Variants in SPG7 observed in about 807,000 individuals in gnomAD.
SPG7 encodes mitochondrial inner membrane m-AAA protease component paraplegin.
In SPG7, 103 loss-of-function variants were observed where a neutral mutation model predicts 81.9. The ratio of observed to expected loss-of-function variants is 1.26; its 90% confidence interval spans 1.07 to 1.48. SPG7 has a LOEUF of 1.48. Ranked by LOEUF, SPG7 falls within the 40% of genes most tolerant of loss-of-function variation. The pLI, the probability that SPG7 is intolerant of heterozygous loss-of-function variation, is 0.00. For missense variants in SPG7, 1,241 were observed against 1,087.3 expected (o/e 1.14, Z -1.99); for synonymous variants, 534 against 444.2 (o/e 1.20, Z -2.54).
At chr16:89,539,131 C>T (rs2152406964) in intron 9 of SPG7, 1 of 152,374 alleles carries the variant, frequency 6.6e-6, no homozygotes. Flanking sequence ...GGTTTACGCA[C>T]TCTATGTGTC....
At chr16:89,509,966 TTTTGTTTGTTTA>T (rs963153328) in intron 1 of SPG7, among the ~76,000 whole-genome samples, 19 of 150,918 alleles carry the variant, frequency 1.3e-4, no homozygotes, top group South Asian at 4.2e-4. Flanking sequence ...TATCGTGATT[TTTTGTTTGTTTA>T]TTTGTTTGTT....
intron 12 of SPG7, chr16:89,549,974 A>C (rs1031486778): frequency 1.4e-5 from 3 of 215,056 alleles, no homozygotes; most frequent in African/African-American, 4.6e-5. Flanking sequence ...CGATGATTGC[A>C]ACATTTATAA....
At chr16:89,547,830 C>T in intron 11 of SPG7, 173 bp from the exon 12 acceptor site, 1 of 649,170 alleles carries the variant, frequency 1.5e-6, no homozygotes, top group Non-Finnish European at 2.8e-6. Flanking sequence ...CCAGGCTGGT[C>T]TCAAACTCCT....
chr16:89,513,176 G>T (rs1001678544), intron 3 of SPG7, 139 bp downstream of exon 3: 5 of 1,224,768 alleles, frequency 4.1e-6, no homozygotes, highest in Non-Finnish European at 4.6e-6. Context: ...TAATCGAAAC[G>T]CTTTGGGAGG....
chr16:89,541,313 CTT>C (rs2058494086), intron 9 of SPG7: 1 of 985,282 alleles, frequency 1.0e-6, no homozygotes, highest in Non-Finnish European at 1.2e-6. Flanking sequence ...TAGAAGGAAA[CTT>C]TCTTCCTGCA....
At chr16:89,544,295 T>A in intron 9 of SPG7, 1 of 308,356 alleles carries the variant, frequency 3.2e-6, no homozygotes, top group Non-Finnish European at 6.0e-6. Flanking sequence ...TGTTACAAAG[T>A]CACAATAATG....
chr16:89,553,689 GA>G (rs780320346), intron 14 of SPG7, 104 bp from the exon 15 acceptor site: 146 of 1,115,354 alleles, frequency 1.3e-4, no homozygotes, highest in Admixed American at 6.2e-4. Context: ...GGAGGAAGGG[GA>G]TGGAGGTGGT....
At position 89,513,041 on chromosome 16, in the gene SPG7, T is replaced by C. The variant is rs2058043456; in HGVS notation, c.376+4T>C. 1 of 1,602,436 alleles carries C rather than the reference T, an allele frequency of 6.2e-7. No homozygotes were observed. The highest frequency in any genetic ancestry group is 8.5e-7 in the Non-Finnish European group (1 of 1,173,346). ...AAGGCGCCTGAAGAGGACGAAGGTA[T>C]ATTCATCTGATGTTCTTCAGTCAGT... is the stretch of plus-strand genomic sequence containing the variant. On this transcript the variant is annotated splice_donor_region_variant and intron_variant, in intron 3 of 16. Coordinates refer to ENST00000645818, the MANE Select transcript of SPG7 (RefSeq NM_003119.4).
intron 8 of SPG7, 147 bp from the exon 9 acceptor site, chr16:89,532,316 G>A (rs560292003): frequency 9.2e-6 from 10 of 1,082,514 alleles, no homozygotes; most frequent in East Asian, 2.6e-5. Context: ...AGGGGCCCCC[G>A]CGAGCAGCTG....
Position 89,508,587 on chromosome 16 carries a change from G to C in SPG7, c.170G>C (p.Gly57Ala). The C allele has an allele frequency of 6.8e-7, 1 of 1,480,554 alleles. No individual in the cohort carries two copies. Among genetic ancestry groups the C allele is most frequent in the South Asian group, 1.3e-5 (1 of 77,046 alleles). The allele number at this position is 1,480,554 out of a possible 1,614,324, so 91.7% of individuals were successfully genotyped here. A position where few individuals can be genotyped will look rare whatever the true frequency, so the allele number is the denominator to read the frequency against. Residue 57 changes from glycine (G) to alanine (A), a missense_variant, in exon 1 of 17, where the codon GGC becomes GCC. Physicochemically the swap from Gly to Ala is moderately conservative, Grantham distance 60 (BLOSUM62 0). Coordinates refer to ENST00000645818, the MANE Select transcript of SPG7 (RefSeq NM_003119.4). ...RPPGDLAEAG[G>A]RALQSLQLRL... ...CCGGGGGACCTCGCCGAGGCTGGAG[G>C]CCGAGCTCTGCAGGTAAATCCCCGC... is the stretch of plus-strand genomic sequence containing the variant.
At chr16:89,529,640 TC>T in intron 6 of SPG7, 61 bp downstream of exon 6, 1 of 1,256,304 alleles carries the variant, frequency 8.0e-7, no homozygotes, top group Non-Finnish European at 1.2e-6. Context: ...TGAATACTTT[TC>T]CCATAAGCTA....
In SPG7 at chr16:89,548,800, C is replaced by T. The variant is rs193059985; in HGVS notation, c.1663+687C>T. ...AACACCCAGACGTGATCAGTCATCT[C>T]ATGGAATGGAGTTCAGACCCGCACT... is the stretch of plus-strand genomic sequence containing the variant. On this transcript the variant is annotated intron_variant, in intron 12 of 16. Transcript: ENST00000645818. The T allele has an allele frequency of 2.9e-3, 1,138 of 386,004 alleles. 8 individuals carry two copies. Among genetic ancestry groups the T allele is most frequent in the South Asian group, 0.012 (651 of 54,062 alleles). 23.9% of individuals were successfully genotyped at this position (386,004 alleles called of 1,614,324 possible).
At chr16:89,536,950 C>T in intron 9 of SPG7, 1 of 1,614,172 alleles carries the variant, frequency 6.2e-7, no homozygotes, top group Non-Finnish European at 8.5e-7. Flanking sequence ...AGCCCAAAGG[C>T]AAGCGTATAT....
At chr16:89,534,761 A>C (rs1440088642) in intron 9 of SPG7, among the ~76,000 whole-genome samples, 1 of 152,208 alleles carries the variant, frequency 6.6e-6, no homozygotes, top group African/African-American at 2.4e-5. Context: ...AAGCTCCCTG[A>C]AGGCTGACTG....
At chr16:89,527,397 T>C (rs543210076) in intron 5 of SPG7, 8 of 152,364 alleles carry the variant, frequency 5.3e-5, no homozygotes, top group African/African-American at 1.9e-4. Context: ...CGGAGATACC[T>C]AGTGATCTGG....
rs769576372 is a variant in SPG7, at chr16:89,530,766, C to T, written c.945C>T (p.His315=). The part of the protein sequence containing the change: ...GVSFKDVAGM[H]EAKLEVREFV... ...GCTTCAAAGACGTGGCAGGAATGCA[C>T]GAAGCCAAACTGGAAGTCCGCGAGT... The change falls in exon 7 of 17, where the codon CAC becomes CAT. Residue 315 remains histidine, a synonymous_variant. Transcript: ENST00000645818. The T allele has an allele frequency of 8.1e-6, 13 of 1,614,010 alleles. No individual in the cohort carries two copies. Among genetic ancestry groups the T allele is most frequent in the South Asian group, 4.4e-5 (4 of 91,094 alleles).
Position 89,532,028 on chromosome 16 carries a change from T to C in SPG7, c.1112T>C (p.Leu371Pro). 2 of 1,613,520 alleles carry C rather than the reference T, an allele frequency of 1.2e-6. No individual in the cohort carries two copies. Among genetic ancestry groups the C allele is most frequent in the Non-Finnish European group, 1.7e-6 (2 of 1,179,968 alleles). The change falls in exon 8 of 17, where the codon CTG becomes CCG. Residue 371 changes from leucine (L) to proline (P), a missense_variant. Coordinates refer to ENST00000645818, the MANE Select transcript of SPG7 (RefSeq NM_003119.4). ...GCCACGGAGGCTCAGGTGCCCTTCC[T>C]GGCGATGGCCGGCCCAGAGTTCGTG... The part of the protein sequence containing the change: ...AVATEAQVPF[L>P]AMAGPEFVEV...
At position 89,518,336 on chromosome 16, in the gene SPG7, C is replaced by T. The variant is rs1597612867; in HGVS notation, c.376+5299C>T. On this transcript the variant is annotated intron_variant, in intron 3 of 16. Coordinates refer to ENST00000645818, the MANE Select transcript of SPG7 (RefSeq NM_003119.4). ...AAGTATTTGCTTGGAATACCACTCACTGATAACACTGGTGAACCTGGAAGG... is the reference window on the plus strand; with the variant it reads ...AAGTATTTGCTTGGAATACCACTCATTGATAACACTGGTGAACCTGGAAGG... 2 of 152,368 alleles carry T rather than the reference C, an allele frequency of 1.3e-5. 1 individual carries two copies. Among genetic ancestry groups the T allele is most frequent in the Middle Eastern group, 6.8e-3 (2 of 294 alleles). 9.4% of individuals were successfully genotyped at this position (152,368 alleles called of 1,614,324 possible). A position where few individuals can be genotyped will look rare whatever the true frequency, so the allele number is the denominator to read the frequency against.
intron 16 of SPG7, chr16:89,554,912 A>AT (rs907103956): frequency 2.1e-4 from 50 of 243,172 alleles, no homozygotes; most frequent in South Asian, 3.8e-4. Flanking sequence ...TAGAGTAGGA[A>AT]TTTTTTTTTC....
Sources: gnomAD v4.1 joint callset for allele counts (sites outside exome capture counted in the v4.1 genomes callset) on GRCh38, gnomAD v4.1.1 for gene constraint, MANE v1.5 for transcripts, NCBI Gene and HGNC (gene_info 2026-07-23, HGNC 2026-07-21) for gene names.